SUN2: variants seen among roughly 807,000 people sequenced by gnomAD.
SUN2 encodes the protein Sad1 and UNC84 domain containing 2, also known as SUN domain-containing protein 2.
Under a neutral mutation model 100.0 loss-of-function variants are expected in SUN2, and 60 were observed. That is an observed-to-expected ratio of 0.60 (90% CI 0.49 to 0.74). The LOEUF (loss-of-function observed/expected upper bound fraction) is 0.74. Among genes scored for constraint, SUN2 ranks in the 30% least tolerant of loss-of-function variants. The pLI, the probability that SUN2 is intolerant of heterozygous loss-of-function variation, is 0.00. For synonymous variants in SUN2, 367 were observed against 403.3 expected (o/e 0.91, Z 1.08); for missense variants, 834 against 954.6 (o/e 0.87, Z 1.66).
At chr22:38,753,029 G>T (rs1191412476) in intron 1 of SUN2, among the ~76,000 whole-genome samples, 2 of 152,156 alleles carry the variant, frequency 1.3e-5, no homozygotes, top group Non-Finnish European at 2.9e-5. Context: ...AAGTAGCAGA[G>T]ACTCTGGTGC....
intron 7 of SUN2, 141 bp from the exon 8 acceptor site, chr22:38,745,952 A>C: frequency 7.7e-7 from 1 of 1,302,936 alleles, no homozygotes; most frequent in Non-Finnish European, 1.0e-6. Context: ...CATCAGAGGG[A>C]TGCAGGTGCC....
intron 7 of SUN2, among the ~76,000 whole-genome samples, chr22:38,746,760 G>A (rs1255106820): frequency 6.6e-6 from 1 of 152,334 alleles, no homozygotes; most frequent in Non-Finnish European, 1.5e-5. Context: ...GGCCGGGCGC[G>A]GTGGCTCACG....
In SUN2 at chr22:38,739,322, G is replaced by C. The variant is rs368634975; in HGVS notation, c.1663+20C>G. ...TGCGGGGTCCAGGACAAGGCAGAGC[G>C]AGGAAAGCAGAGCACGTACCTCCTG... On this transcript the variant is annotated intron_variant, in intron 14 of 17. Coordinates refer to ENST00000689035, the MANE Select transcript of SUN2 (RefSeq NM_015374.3). This position sits in a 1 kb window ranked among gnomAD's most constrained non-coding sequence, Gnocchi z 6.7. 2 of 1,611,906 alleles carry C rather than the reference G, an allele frequency of 1.2e-6. No homozygotes were observed. The highest frequency in any genetic ancestry group is 1.7e-6 in the Non-Finnish European group (2 of 1,179,158).
rs767398562 is a variant in SUN2 at position 38,742,430 on chromosome 22, C to A, written c.939G>T (p.Gly313=). 17 of 1,613,458 alleles carry A rather than the reference C, an allele frequency of 1.1e-5. No homozygotes were observed. In the South Asian group the frequency reaches 1.8e-4, roughly 17 times the overall value. ...CACCACCACCTCCCTGGCCAGGAGC[C>A]CCTTGCCGCAGCTCCAGACGTTCCA... ...MRLERLELRQ[G]APGQGGGGGL... is the part of the protein sequence containing the mutation. The change falls in exon 9 of 18, where the codon GGG becomes GGT. Residue 313 remains glycine, a synonymous_variant. Transcript: ENST00000689035.
intron 8 of SUN2, chr22:38,742,821 A>C: frequency 2.3e-6 from 1 of 441,566 alleles, no homozygotes; most frequent in Non-Finnish European, 4.1e-6. Flanking sequence ...CAGAGGAGGA[A>C]GGAAGGTGGG....
chr22:38,737,064 C>T lies in SUN2; in HGVS notation c.2041-684G>A, dbSNP rs1180027352. 6.6e-6 allele frequency among the ~76,000 whole-genome samples: 1 copy of T among 152,194 alleles called. No homozygotes were observed. Among genetic ancestry groups the T allele is most frequent in the African/African-American group, 2.4e-5 (1 of 41,430 alleles). Reference sequence around the variant, plus strand: ...ATCTCGCTGTGTTCACCAGCCTGGTCTTGAACTCCTGGGCTCAAGCAATCC... The same window carrying T: ...ATCTCGCTGTGTTCACCAGCCTGGTTTTGAACTCCTGGGCTCAAGCAATCC... On this transcript the variant is annotated intron_variant, in intron 17 of 17. Coordinates refer to ENST00000689035, the MANE Select transcript of SUN2 (RefSeq NM_015374.3). The surrounding 1 kb of genome is among the most constrained non-coding windows in gnomAD (Gnocchi z 4.1).
chr22:38,755,006 A>AC lies in SUN2; in HGVS notation c.-38+756dup, dbSNP rs2092975044. ...ACTACTGCGAATCATAATAGACACC[A>AC]CCCCCGCCCCACCTCCTCCCTAACA... On this transcript the variant is annotated intron_variant, in intron 1 of 17. Coordinates refer to ENST00000689035, the MANE Select transcript of SUN2 (RefSeq NM_015374.3). This position sits in a 1 kb window ranked among gnomAD's most constrained non-coding sequence, Gnocchi z 5.7. The AC allele has an allele frequency of 3.2e-6, 4 of 1,236,372 alleles. No homozygotes were observed. The highest frequency in any genetic ancestry group is 2.4e-5 in the Admixed American group (1 of 41,784). 76.6% of individuals were successfully genotyped at this position (1,236,372 alleles called of 1,614,324 possible).
intron 8 of SUN2, 90 bp from the exon 9 acceptor site, chr22:38,742,645 A>G: frequency 6.8e-7 from 1 of 1,471,220 alleles, no homozygotes; most frequent in Non-Finnish European, 9.1e-7. Flanking sequence ...ACACAGAAAG[A>G]AAGGGAAAAG....
intron 7 of SUN2, among the ~76,000 whole-genome samples, chr22:38,747,801 T>C (rs1053402400): frequency 6.6e-6 from 1 of 150,834 alleles, no homozygotes; most frequent in Non-Finnish European, 1.5e-5. Flanking sequence ...AAATTAGCCA[T>C]GTGTGGTGCT....
In SUN2 at chr22:38,740,275, G is replaced by A. The variant is rs749230478; in HGVS notation, c.1348C>T (p.Arg450Trp). 5.5e-5 allele frequency: 88 copies of A among 1,590,004 alleles called. No homozygotes were observed. The highest frequency in any genetic ancestry group is 7.2e-5 in the Non-Finnish European group (84 of 1,167,850). The change falls in exon 12 of 18, where the codon CGG becomes TGG. Residue 450 changes from arginine (R) to tryptophan (W), a missense_variant. By Grantham distance (101) the Arg-to-Trp change is moderately radical. Coordinates refer to ENST00000689035, the MANE Select transcript of SUN2 (RefSeq NM_015374.3). The surrounding 1 kb of genome is among the most constrained non-coding windows in gnomAD (Gnocchi z 4.8). The stretch of plus-strand genomic sequence containing the variant: ...TGGTGGTTCCCACTCACGTCGTCCC[G>A]CACGGCCTGGATCTGCTGGGGCAGC... Reference protein sequence around the residue: ...GLLPQQIQAVRDDVESQFPAW... With the variant: ...GLLPQQIQAVWDDVESQFPAW...
chr22:38,740,230 G>A lies in SUN2; in HGVS notation c.1356+37C>T. Reference sequence around the variant, plus strand: ...AGGACACGTCGTCTCAAAGGAGGAGGAGAGGGACCAGCAGGGCCCTGGTGG... The same window carrying A: ...AGGACACGTCGTCTCAAAGGAGGAGAAGAGGGACCAGCAGGGCCCTGGTGG... On this transcript the variant is annotated intron_variant, in intron 12 of 17. Coordinates refer to ENST00000689035, the MANE Select transcript of SUN2 (RefSeq NM_015374.3). The surrounding 1 kb of genome is among the most constrained non-coding windows in gnomAD (Gnocchi z 4.8). 2.0e-6 allele frequency: 3 copies of A among 1,509,146 alleles called. No homozygotes were observed. The highest frequency in any genetic ancestry group is 2.7e-6 in the Non-Finnish European group (3 of 1,125,694). The allele number at this position is 1,509,146 out of a possible 1,614,324, so 93.5% of individuals were successfully genotyped here.
Position 38,738,378 on chromosome 22 carries a change from C to T in SUN2, c.1948-113G>A. The T allele has an allele frequency of 9.0e-7, 1 of 1,116,968 alleles. No homozygotes were observed. 69.2% of individuals were successfully genotyped at this position (1,116,968 alleles called of 1,614,324 possible). Reference sequence around the variant, plus strand: ...GGTCAGGCACCAGAGTGGCCTATGACAAGTCACTTCACTCTCTTGTGCCAC... The same window carrying T: ...GGTCAGGCACCAGAGTGGCCTATGATAAGTCACTTCACTCTCTTGTGCCAC... On this transcript the variant is annotated intron_variant, in intron 16 of 17. Transcript: ENST00000689035. This position sits in a 1 kb window ranked among gnomAD's most constrained non-coding sequence, Gnocchi z 6.6.
At chr22:38,750,630 G>A (rs991323205) in intron 4 of SUN2, among the ~76,000 whole-genome samples, 1 of 152,250 alleles carries the variant, frequency 6.6e-6, no homozygotes, top group African/African-American at 2.4e-5. Context: ...ACAGGAAAGT[G>A]CTGGAATGGG....
rs140074684 is a variant in SUN2 at position 38,745,726 on chromosome 22, C to T, written c.771G>A (p.Pro257=). The change falls in exon 8 of 18, where the codon CCG becomes CCA. Residue 257 remains proline (P), a synonymous_variant. Transcript: ENST00000689035. ...SWWAAKDSRR[P]DEGWEARDSS... is the part of the protein sequence containing the mutation. The stretch of plus-strand genomic sequence containing the variant: ...AGTCTCTGGCTTCCCAGCCCTCATC[C>T]GGCCTCCTGCTGTCCTTCGCTGCCC... 1.8e-5 allele frequency: 29 copies of T among 1,613,900 alleles called. No homozygotes were observed. Among genetic ancestry groups the T allele is most frequent in the South Asian group, 2.2e-5 (2 of 91,090 alleles).
In SUN2 at chr22:38,755,900, G is replaced by T; in HGVS notation, c.-175C>A. On this transcript the variant is annotated 5_prime_UTR_variant, in exon 1 of 18. Coordinates refer to ENST00000689035, the MANE Select transcript of SUN2 (RefSeq NM_015374.3). This position sits in a 1 kb window ranked among gnomAD's most constrained non-coding sequence, Gnocchi z 5.7. The stretch of plus-strand genomic sequence containing the variant: ...CACAGCGGCCGGGCCCGGGGCGCGC[G>T]GGCACGCGAAGAGCGGCGACGCGGG... The T allele has an allele frequency of 1.0e-6, 1 of 982,464 alleles. No individual in the cohort carries two copies. The highest frequency in any genetic ancestry group is 4.7e-5 in the South Asian group (1 of 21,320). The allele number at this position is 982,464 out of a possible 1,614,324, so 60.9% of individuals were successfully genotyped here. A position where few individuals can be genotyped will look rare whatever the true frequency, so the allele number is the denominator to read the frequency against.
At chr22:38,751,453 C>T (rs1282282533) in intron 2 of SUN2, 80 bp from the exon 3 acceptor site, 16 of 1,537,502 alleles carry the variant, frequency 1.0e-5, no homozygotes, top group East Asian at 4.5e-5. Flanking sequence ...CCACAGCCTG[C>T]GGCCCTGCCT....
rs1444734742 is a variant in SUN2, at chr22:38,738,273, G to A, written c.1948-8C>T. Reference sequence around the variant, plus strand: ...CAGGTCTTCGTCAAACCCCTGCAAAGAGAGCGGAGGGAAGTGGGGAGGGGC... The same window carrying A: ...CAGGTCTTCGTCAAACCCCTGCAAAAAGAGCGGAGGGAAGTGGGGAGGGGC... On this transcript the variant is annotated splice_polypyrimidine_tract_variant and splice_region_variant and intron_variant, in intron 16 of 17. Transcript: ENST00000689035. This position sits in a 1 kb window ranked among gnomAD's most constrained non-coding sequence, Gnocchi z 6.6. 6.2e-7 allele frequency: 1 copy of A among 1,611,994 alleles called. No individual in the cohort carries two copies. Among genetic ancestry groups the A allele is most frequent in the Non-Finnish European group, 8.5e-7 (1 of 1,178,466 alleles).
rs558666742 is a variant in SUN2, at chr22:38,753,830, C to T, written c.-37-1165G>A. On this transcript the variant is annotated intron_variant, in intron 1 of 17. Coordinates refer to ENST00000689035, the MANE Select transcript of SUN2 (RefSeq NM_015374.3). ...AAGTGCCAAAGCCAGGGTTTGGGCTCAGCTCTGACAGGCTGTAGGGCCTGG... is the reference window on the plus strand; with the variant it reads ...AAGTGCCAAAGCCAGGGTTTGGGCTTAGCTCTGACAGGCTGTAGGGCCTGG... Among the ~76,000 whole-genome samples, 93 of 152,336 alleles carry T rather than the reference C, an allele frequency of 6.1e-4. No homozygotes were observed. In the Middle Eastern group the frequency reaches 0.01, roughly 17 times the overall value.
chr22:38,740,157 G>T lies in SUN2; in HGVS notation c.1356+110C>A. On this transcript the variant is annotated intron_variant, in intron 12 of 17. Coordinates refer to ENST00000689035, the MANE Select transcript of SUN2 (RefSeq NM_015374.3). The surrounding 1 kb of genome is among the most constrained non-coding windows in gnomAD (Gnocchi z 4.8). ...GTCAAGGCCAACGCCACAGTCTCTT[G>T]GGCATAACAGAGGCTGCAGGGGCAA... The T allele has an allele frequency of 7.3e-7, 1 of 1,367,080 alleles. No homozygotes were observed. Among genetic ancestry groups the T allele is most frequent in the Non-Finnish European group, 9.7e-7 (1 of 1,032,148 alleles). The allele number at this position is 1,367,080 out of a possible 1,614,324, so 84.7% of individuals were successfully genotyped here. A position where few individuals can be genotyped will look rare whatever the true frequency, so the allele number is the denominator to read the frequency against.
Sources: gnomAD v4.1 joint callset for allele counts (sites outside exome capture counted in the v4.1 genomes callset) on GRCh38, gnomAD v4.1.1 for gene constraint, Gnocchi (gnomAD v3.1) non-coding constraint, MANE v1.5 for transcripts, NCBI Gene and HGNC (gene_info 2026-07-23, HGNC 2026-07-21) for gene names.